KIAA1671: variants seen among roughly 807,000 people sequenced by gnomAD.
The protein encoded by KIAA1671 is uncharacterized protein KIAA1671.
KIAA1671 carries 52 observed loss-of-function variants against 131.2 expected under a neutral mutation model. That is an observed-to-expected ratio of 0.40 (90% CI 0.32 to 0.50). The LOEUF (loss-of-function observed/expected upper bound fraction) is 0.50, where lower values mean the gene tolerates loss of function less well. KIAA1671 is among the 20% of genes least tolerant of loss of function. The probability of loss-of-function intolerance (pLI) is 0.73; values close to 1 mark genes in which losing one functional copy is unlikely to be tolerated. For synonymous variants in KIAA1671, 1,003 were observed against 961.6 expected (o/e 1.04, Z -0.80); for missense variants, 2,360 against 2,364.2 (o/e 1.00, Z 0.04).
chr22:24,958,980 CAA>C (rs59084421), intron 1 of KIAA1671, among the ~76,000 whole-genome samples: 20,910 of 77,280 alleles, frequency 0.27, 2,131 homozygotes, highest in East Asian at 0.67. Flanking sequence ...AACTTCGTAT[CAA>C]AAAAAAAAAA....
chr22:24,994,121 C>T (rs113973584), intron 1 of KIAA1671, among the ~76,000 whole-genome samples: 2,477 of 152,210 alleles, frequency 0.016, 32 homozygotes, highest in Non-Finnish European at 0.026. Flanking sequence ...GCAAGTGTTA[C>T]AACCTCATCA....
In KIAA1671 at chr22:25,040,159, A is replaced by G; in HGVS notation, c.3029A>G (p.Gln1010Arg). The G allele has an allele frequency of 6.4e-7, 1 of 1,551,734 alleles. No individual in the cohort carries two copies. Among genetic ancestry groups the G allele is most frequent in the Non-Finnish European group, 8.7e-7 (1 of 1,147,012 alleles). The change falls in exon 5 of 13, where the codon CAG (glutamine) becomes CGG (arginine). Residue 1010 changes from glutamine (Q) to arginine (R), a missense_variant. Physicochemically the swap from Gln to Arg is conservative, Grantham distance 43. This residue lies in a region of KIAA1671 where 1,161 missense variants were observed against 1,204.7 expected (regional missense o/e 0.96). Transcript: ENST00000358431. Reference sequence around the variant, plus strand: ...GTGAACCCAGGTGCTTCACGGGACCAGACTTCCCCAGCAGTGAAGCAAGGG... The same window carrying G: ...GTGAACCCAGGTGCTTCACGGGACCGGACTTCCCCAGCAGTGAAGCAAGGG... Reference protein sequence around the residue: ...QEVNPGASRDQTSPAVKQGSP... With the variant: ...QEVNPGASRDRTSPAVKQGSP...
At chr22:24,991,075 A>G (rs371368086) in intron 1 of KIAA1671, among the ~76,000 whole-genome samples, 1 of 152,096 alleles carries the variant, frequency 6.6e-6, no homozygotes, top group Admixed American at 6.5e-5. Flanking sequence ...GCTGGAGTGC[A>G]GTAGCTTGAT....
intron 6 of KIAA1671, among the ~76,000 whole-genome samples, chr22:25,131,897 G>T (rs956944842): frequency 3.9e-5 from 6 of 152,216 alleles, no homozygotes; most frequent in African/African-American, 1.4e-4. Flanking sequence ...GGGCATAACC[G>T]CATAGAGTTG....
In KIAA1671 at chr22:25,028,199, C is replaced by T. The variant is rs910031718; in HGVS notation, c.200C>T (p.Ala67Val). Residue 67 changes from alanine to valine, a missense_variant, in exon 3 of 13, where the codon GCC (alanine) becomes GTC (valine). This residue lies in a region of KIAA1671 where 1,185 missense variants were observed against 1,126.2 expected (regional missense o/e 1.05). Transcript: ENST00000358431. ...PARLLPLPRLAPKPFSKEQDV... is the reference protein window; with the variant it reads ...PARLLPLPRLVPKPFSKEQDV... Reference sequence around the variant, plus strand: ...CGGTTACTCCCTCTGCCAAGGCTCGCCCCCAAACCCTTCTCGAAGGAGCAG... The same window carrying T: ...CGGTTACTCCCTCTGCCAAGGCTCGTCCCCAAACCCTTCTCGAAGGAGCAG... 11 of 1,550,726 alleles carry T rather than the reference C, an allele frequency of 7.1e-6. No homozygotes were observed. The highest frequency in any genetic ancestry group is 2.0e-5 in the Admixed American group (1 of 50,940).
chr22:25,088,146 C>T (rs921485741), intron 6 of KIAA1671, among the ~76,000 whole-genome samples: 2 of 150,262 alleles, frequency 1.3e-5, no homozygotes, highest in Admixed American at 6.6e-5. Context: ...CTCACCCCGT[C>T]GCCCAGGCTG....
At chr22:25,032,842 G>T (rs1569211317) in intron 4 of KIAA1671, 146 bp downstream of exon 4, 3 of 491,018 alleles carry the variant, frequency 6.1e-6, no homozygotes, top group Non-Finnish European at 1.1e-5. Context: ...CTAATGTTGG[G>T]ACTTTGAAGT....
At chr22:25,019,689 A>G (rs1247464747) in intron 1 of KIAA1671, among the ~76,000 whole-genome samples, 1 of 152,058 alleles carries the variant, frequency 6.6e-6, no homozygotes, top group East Asian at 1.9e-4. Flanking sequence ...GAATACAAAA[A>G]AAAAAAAATC....
intron 6 of KIAA1671, among the ~76,000 whole-genome samples, chr22:25,143,969 G>A (rs759002617): frequency 5.9e-5 from 9 of 151,634 alleles, no homozygotes; most frequent in African/African-American, 9.7e-5. Context: ...CCAGGAGTTC[G>A]AGACCAGCCT....
At chr22:25,075,489 A>G (rs992640962) in intron 6 of KIAA1671, among the ~76,000 whole-genome samples, 18 of 151,746 alleles carry the variant, frequency 1.2e-4, no homozygotes, top group African/African-American at 4.4e-4. Flanking sequence ...TGAATGAGTG[A>G]ATCAGTGCGC....
chr22:25,175,201 C>T (rs1293625890), intron 8 of KIAA1671: 1 of 152,216 alleles, frequency 6.6e-6, no homozygotes, highest in Non-Finnish European at 1.5e-5. Context: ...CCTTTTCAAC[C>T]CTTGAAACCC....
chr22:25,051,281 A>C (rs2031058588), intron 6 of KIAA1671: 1 of 152,200 alleles, frequency 6.6e-6, no homozygotes, highest in Non-Finnish European at 1.5e-5. Flanking sequence ...TGCCTCCAAC[A>C]GCCCATCCTA....
At chr22:25,098,619 G>A (rs1930501556) in intron 6 of KIAA1671, among the ~76,000 whole-genome samples, 1 of 151,320 alleles carries the variant, frequency 6.6e-6, no homozygotes, top group African/African-American at 2.5e-5. Flanking sequence ...GGAAACAACT[G>A]GGTGGAGGGG....
chr22:25,016,320 A>G (rs1219094438), intron 1 of KIAA1671, among the ~76,000 whole-genome samples: 4 of 151,958 alleles, frequency 2.6e-5, no homozygotes, highest in Admixed American at 2.6e-4. Flanking sequence ...TGCCCAGCCA[A>G]GAATCACAGG....
intron 1 of KIAA1671, among the ~76,000 whole-genome samples, chr22:25,024,870 A>AT (rs1925850209): frequency 1.3e-5 from 2 of 148,242 alleles, no homozygotes; most frequent in African/African-American, 4.9e-5. Flanking sequence ...CAGTGTAGCT[A>AT]TGCTAAGTCC....
intron 6 of KIAA1671, among the ~76,000 whole-genome samples, chr22:25,151,695 C>T (rs944412065): frequency 6.6e-6 from 1 of 152,046 alleles, no homozygotes; most frequent in African/African-American, 2.4e-5. Flanking sequence ...CCTCCCCGGC[C>T]TCCCAAAGTG....
chr22:25,148,332 A>G (rs1419842045), intron 6 of KIAA1671, among the ~76,000 whole-genome samples: 1 of 142,216 alleles, frequency 7.0e-6, no homozygotes, highest in Non-Finnish European at 1.5e-5. Flanking sequence ...GCCCTCCCAC[A>G]GTCCCAGCGC....
chr22:25,093,768 GTCTCTCTCTCTCTCTCTCTC>G (rs71191028), intron 6 of KIAA1671, among the ~76,000 whole-genome samples: 2 of 60,710 alleles, frequency 3.3e-5, no homozygotes, highest in Non-Finnish European at 2.9e-5. Context: ...CTCTCTCTCT[GTCTCTCTCTCTCTCTCTCTC>G]TCTCTCTCTC....
At chr22:25,097,735 A>AT (rs1321352784) in intron 6 of KIAA1671, among the ~76,000 whole-genome samples, 6 of 125,436 alleles carry the variant, frequency 4.8e-5, no homozygotes, top group Admixed American at 7.6e-5. Context: ...GCGAGACTCC[A>AT]TAAAAAAAAA....
Sources: allele counts gnomAD v4.1 joint callset (sites outside exome capture counted in the v4.1 genomes callset), GRCh38; gene constraint gnomAD v4.1.1; regional missense constraint gnomAD v4.1.1; transcripts MANE v1.5; gene names NCBI Gene and HGNC (gene_info 2026-07-23, HGNC 2026-07-21).